The following CSNK2A2IP variants were observed in gnomAD, a reference collection of about 807,000 sequenced individuals.
CSNK2A2IP encodes casein kinase II subunit alpha'-interacting protein.
chr3:88,410,069 C>G, the CSNK2A2IP span, among the ~76,000 whole-genome samples: 7,037 of 152,074 alleles, frequency 0.046, 602 homozygotes, highest in African/African-American at 0.16. Context: ...TCAGAAAACT[C>G]TGAAGTCTTC....
the CSNK2A2IP span, among the ~76,000 whole-genome samples, chr3:88,381,045 G>A: frequency 1.3e-5 from 2 of 152,066 alleles, no homozygotes; most frequent in Admixed American, 1.3e-4. Context: ...TACTTAAAAC[G>A]CCAGGCTCTT....
chr3:88,446,927 T>C, the CSNK2A2IP span, among the ~76,000 whole-genome samples: 1 of 152,218 alleles, frequency 6.6e-6, no homozygotes, highest in African/African-American at 2.4e-5. Flanking sequence ...CTTGTAGATT[T>C]CTCTATTAAC....
the CSNK2A2IP span, among the ~76,000 whole-genome samples, chr3:88,421,366 C>T: frequency 1.3e-5 from 2 of 152,140 alleles, no homozygotes; most frequent in South Asian, 2.1e-4. Flanking sequence ...CAACCATTAT[C>T]TTGCTACAAT....
At chr3:88,360,843 A>G in the CSNK2A2IP span, among the ~76,000 whole-genome samples, 3 of 151,156 alleles carry the variant, frequency 2.0e-5, no homozygotes, top group Non-Finnish European at 2.9e-5. Flanking sequence ...TAACGTTTTC[A>G]TTGTAGGTTT....
chr3:88,466,568 C>G, the CSNK2A2IP span: 2 of 1,231,686 alleles, frequency 1.6e-6, no homozygotes, highest in Admixed American at 8.4e-5. Flanking sequence ...TCTCCAAAGA[C>G]AGAATCAAAT....
the CSNK2A2IP span, among the ~76,000 whole-genome samples, chr3:88,456,942 C>G: frequency 2.0e-5 from 3 of 151,992 alleles, no homozygotes; most frequent in African/African-American, 7.2e-5. Context: ...AATAGATATT[C>G]AAACTTTTTT....
chr3:88,381,960 A>G, the CSNK2A2IP span, among the ~76,000 whole-genome samples: 4 of 152,314 alleles, frequency 2.6e-5, no homozygotes, highest in African/African-American at 9.6e-5. Flanking sequence ...AAGAACTTAG[A>G]AGATAACTTG....
chr3:88,423,275 TA>T, the CSNK2A2IP span, among the ~76,000 whole-genome samples: 6 of 152,194 alleles, frequency 3.9e-5, no homozygotes, highest in Non-Finnish European at 8.8e-5. Context: ...AATATAAGCA[TA>T]AAAACATAAT....
chr3:88,419,873 T>G, the CSNK2A2IP span, among the ~76,000 whole-genome samples: 4 of 152,192 alleles, frequency 2.6e-5, no homozygotes, highest in African/African-American at 9.7e-5. Flanking sequence ...GCCAGTCCTT[T>G]GAAAGTCTTG....
chr3:88,410,374 T>C, the CSNK2A2IP span, among the ~76,000 whole-genome samples: 3 of 152,052 alleles, frequency 2.0e-5, no homozygotes, highest in African/African-American at 7.3e-5. Flanking sequence ...GCATTCATGC[T>C]TGAGATCACT....
chr3:88,446,040 T>TTC, the CSNK2A2IP span, among the ~76,000 whole-genome samples: 2 of 37,870 alleles, frequency 5.3e-5, no homozygotes, highest in Non-Finnish European at 1.2e-4. Context: ...TTTTCTTTCT[T>TTC]TCTTTCTTTC....
the CSNK2A2IP span, among the ~76,000 whole-genome samples, chr3:88,396,268 GCT>G: frequency 6.6e-6 from 1 of 151,604 alleles, no homozygotes; most frequent in African/African-American, 2.4e-5. Flanking sequence ...ACCTCGCCCG[GCT>G]AATTTTTTGT....
the CSNK2A2IP span, among the ~76,000 whole-genome samples, chr3:88,392,812 A>T: frequency 6.6e-6 from 1 of 152,218 alleles, no homozygotes. Context: ...TAACTGGGCT[A>T]TTGGGTTGAG....
chr3:88,419,625 A>G, the CSNK2A2IP span, among the ~76,000 whole-genome samples: 1 of 152,136 alleles, frequency 6.6e-6, no homozygotes, highest in Admixed American at 6.5e-5. Context: ...TATACTCAGT[A>G]ATGGGATTGC....
At chr3:88,467,378 ACCAT>A in the CSNK2A2IP span, 2 of 398,452 alleles carry the variant, frequency 5.0e-6, no homozygotes, top group Non-Finnish European at 8.8e-6. Context: ...GTACTTAGCT[ACCAT>A]CGGTTGCCTG....
chr3:88,349,531 T>G, the CSNK2A2IP span, among the ~76,000 whole-genome samples: 3 of 152,144 alleles, frequency 2.0e-5, no homozygotes, highest in Non-Finnish European at 4.4e-5. Flanking sequence ...TATCCATTCA[T>G]TGGTTGATGG....
the CSNK2A2IP span, among the ~76,000 whole-genome samples, chr3:88,380,662 T>G: frequency 1.3e-3 from 192 of 152,080 alleles, 1 homozygote; most frequent in African/African-American, 4.5e-3. Context: ...TTGACTGGAA[T>G]TGCCCCATGT....
chr3:88,465,729 C>T, the CSNK2A2IP span: 3 of 1,231,700 alleles, frequency 2.4e-6, no homozygotes, highest in African/African-American at 4.6e-5. Flanking sequence ...ATTTGTTGCA[C>T]TCCAAAGCTC....
chr3:88,406,560 TG>T, the CSNK2A2IP span, among the ~76,000 whole-genome samples: 1 of 152,198 alleles, frequency 6.6e-6, no homozygotes, highest in African/African-American at 2.4e-5. Flanking sequence ...GGGAATGCTT[TG>T]TTCCTATTTC....
Sources: gnomAD v4.1 joint callset for allele counts (sites outside exome capture counted in the v4.1 genomes callset) on GRCh38, gnomAD v4.1.1 for gene constraint, MANE v1.5 for transcripts, NCBI Gene and HGNC (gene_info 2026-07-23, HGNC 2026-07-21) for gene names.